ABCA13: variants seen among roughly 807,000 people sequenced by gnomAD.
ABCA13 encodes ATP binding cassette subfamily A member 13.
A neutral mutation model predicts 478.7 loss-of-function variants in ABCA13; 476 were observed. The observed-to-expected ratio is 0.99, with a 90% CI of 0.92 to 1.07. ABCA13 has a LOEUF of 1.07. Ranked by LOEUF, ABCA13 falls within the 50% of genes least tolerant of loss-of-function variation. The pLI is 0.00. For missense variants in ABCA13, 6,060 were observed against 5,910.6 expected (o/e 1.03, Z -0.83); for synonymous variants, 2,252 against 2,158.9 (o/e 1.04, Z -1.20).
At chr7:48,534,486 G>T (rs1022086888) in intron 55 of ABCA13, among the ~76,000 whole-genome samples, 1 of 152,074 alleles carries the variant, frequency 6.6e-6, no homozygotes, top group Non-Finnish European at 1.5e-5. Context: ...TAAAACGTAG[G>T]TGATGATCTT....
intron 55 of ABCA13, among the ~76,000 whole-genome samples, chr7:48,572,157 G>T (rs938800688): frequency 6.6e-6 from 1 of 152,262 alleles, no homozygotes; most frequent in East Asian, 1.9e-4. Context: ...TCCAGCCTGG[G>T]TGATGGAGTG....
intron 54 of ABCA13, among the ~76,000 whole-genome samples, chr7:48,526,500 A>G (rs575685263): frequency 3.9e-5 from 6 of 152,284 alleles, no homozygotes; most frequent in Admixed American, 3.9e-4. Flanking sequence ...TGACTAAGAT[A>G]CAGTCCTGTG....
At chr7:48,608,034 C>T (rs1251075970) in intron 58 of ABCA13, among the ~76,000 whole-genome samples, 3 of 152,194 alleles carry the variant, frequency 2.0e-5, no homozygotes, top group African/African-American at 7.2e-5. Flanking sequence ...GCGCCTGCCA[C>T]CATGCCCAGC....
At chr7:48,596,959 T>A (rs1444969971) in intron 58 of ABCA13, among the ~76,000 whole-genome samples, 2 of 143,692 alleles carry the variant, frequency 1.4e-5, no homozygotes, top group African/African-American at 5.1e-5. Context: ...ATCATAACAC[T>A]TTTTTTTTTT....
chr7:48,189,321 G>C (rs1191805082), intron 1 of ABCA13, among the ~76,000 whole-genome samples: 1 of 151,766 alleles, frequency 6.6e-6, no homozygotes, highest in Non-Finnish European at 1.5e-5. Context: ...GAAAGGGAAG[G>C]CTGCCTTTGC....
chr7:48,258,113 A>G (rs373338633), intron 15 of ABCA13, among the ~76,000 whole-genome samples: 6 of 152,106 alleles, frequency 3.9e-5, no homozygotes, highest in Non-Finnish European at 7.4e-5. Flanking sequence ...TTGTAGAGAC[A>G]GGGTCCTGCT....
In ABCA13 at chr7:48,278,379, T is replaced by A; in HGVS notation, c.7185T>A (p.His2395Gln). ...CAGTGGTGAGTCAGTTGTTTTTCCATGTGAATAAGTCTGAGGACCTCTTCA... is the reference window on the plus strand; with the variant it reads ...CAGTGGTGAGTCAGTTGTTTTTCCAAGTGAATAAGTCTGAGGACCTCTTCA... ...FFTVVSQLFF[H>Q]VNKSEDLFKL... The change falls in exon 18 of 62, where the codon CAT becomes CAA. Residue 2395 changes from histidine to glutamine, a missense_variant. By Grantham distance (24) the His-to-Gln change is conservative. This residue lies in a region of ABCA13 where 4,423 missense variants were observed against 4,309.1 expected (regional missense o/e 1.03). Coordinates refer to ENST00000435803, the MANE Select transcript of ABCA13 (RefSeq NM_152701.5). The A allele has an allele frequency of 1.2e-6, 2 of 1,613,856 alleles. No homozygotes were observed. The highest frequency in any genetic ancestry group is 1.7e-6 in the Non-Finnish European group (2 of 1,179,834).
intron 55 of ABCA13, among the ~76,000 whole-genome samples, chr7:48,529,970 A>G (rs1833115028): frequency 6.6e-6 from 1 of 151,996 alleles, no homozygotes; most frequent in Non-Finnish European, 1.5e-5. Context: ...TGGTTACATG[A>G]ATAAGTTCTT....
chr7:48,344,029 A>G (rs961805276), intron 29 of ABCA13, among the ~76,000 whole-genome samples: 2 of 152,082 alleles, frequency 1.3e-5, no homozygotes, highest in Non-Finnish European at 2.9e-5. Context: ...TTTCATGTTG[A>G]AGGGTTCACT....
chr7:48,603,756 A>T, intron 58 of ABCA13: 1 of 158,166 alleles, frequency 6.3e-6, no homozygotes, highest in South Asian at 1.7e-4. Context: ...AATGAGTTAC[A>T]GAGGATTCCC....
At chr7:48,631,723 G>T (rs1234163956) in intron 59 of ABCA13, among the ~76,000 whole-genome samples, 2 of 151,934 alleles carry the variant, frequency 1.3e-5, no homozygotes, top group African/African-American at 4.8e-5. Context: ...TTGGAATTTT[G>T]ATAGGAATTA....
chr7:48,438,479 A>T (rs1823139834), intron 42 of ABCA13, among the ~76,000 whole-genome samples: 1 of 151,746 alleles, frequency 6.6e-6, no homozygotes, highest in Non-Finnish European at 1.5e-5. Context: ...CTATCCTCTT[A>T]ATCTTTTTAG....
intron 55 of ABCA13, among the ~76,000 whole-genome samples, chr7:48,531,062 C>T (rs182604689): frequency 6.6e-6 from 1 of 152,170 alleles, no homozygotes; most frequent in Non-Finnish European, 1.5e-5. Context: ...CAGTCTTTGC[C>T]TAAGCCAATG....
In ABCA13 at chr7:48,272,714, G is replaced by A; in HGVS notation, c.3048G>A (p.Lys1016=). The change falls in exon 17 of 62, where the codon AAG becomes AAA. Residue 1016 remains lysine, a synonymous_variant. Coordinates refer to ENST00000435803, the MANE Select transcript of ABCA13 (RefSeq NM_152701.5). ...NISKAFAFLF[K]TAEVLGGISN... ...GTAAAGCATTTGCATTTTTATTTAAGACAGCAGAGGTTCTTGGGGGAATTT... is the reference window on the plus strand; with the variant it reads ...GTAAAGCATTTGCATTTTTATTTAAAACAGCAGAGGTTCTTGGGGGAATTT... 3.7e-6 allele frequency: 6 copies of A among 1,611,286 alleles called. No homozygotes were observed. Among genetic ancestry groups the A allele is most frequent in the Non-Finnish European group, 4.2e-6 (5 of 1,178,362 alleles).
intron 31 of ABCA13, among the ~76,000 whole-genome samples, chr7:48,360,712 G>T (rs933278649): frequency 6.6e-6 from 1 of 151,868 alleles, no homozygotes. Context: ...ACTAGAAATC[G>T]CAAAGTCTTG....
chr7:48,232,426 A>C (rs963687613), intron 7 of ABCA13, among the ~76,000 whole-genome samples: 1 of 152,126 alleles, frequency 6.6e-6, no homozygotes, highest in African/African-American at 2.4e-5. Flanking sequence ...ATGTAATTAA[A>C]ATAAACAATT....
intron 59 of ABCA13, among the ~76,000 whole-genome samples, chr7:48,627,516 C>T (rs537707908): frequency 9.9e-5 from 15 of 152,130 alleles, no homozygotes; most frequent in Non-Finnish European, 1.9e-4. Context: ...TACTCACTTA[C>T]TACGTATGTA....
chr7:48,477,529 G>A (rs1395469074), intron 45 of ABCA13, among the ~76,000 whole-genome samples: 6 of 151,918 alleles, frequency 3.9e-5, no homozygotes, highest in Non-Finnish European at 5.9e-5. Flanking sequence ...AGAAAATGTG[G>A]CACATATACA....
intron 55 of ABCA13, among the ~76,000 whole-genome samples, chr7:48,570,781 G>A (rs906352036): frequency 2.0e-5 from 3 of 152,056 alleles, no homozygotes; most frequent in African/African-American, 4.8e-5. Flanking sequence ...TACATTAAAT[G>A]TAAATGAGCT....
Sources: gnomAD v4.1 joint callset for allele counts (sites outside exome capture counted in the v4.1 genomes callset) on GRCh38, gnomAD v4.1.1 for gene constraint, gnomAD v4.1.1 regional missense constraint, MANE v1.5 for transcripts, NCBI Gene and HGNC (gene_info 2026-07-23, HGNC 2026-07-21) for gene names.